The following COMMD1 variants were observed in gnomAD, a reference collection of about 807,000 sequenced individuals.
COMMD1 encodes COMM domain-containing protein 1.
In COMMD1, 10 loss-of-function variants were observed where a neutral mutation model predicts 17.2. The observed-to-expected ratio is 0.58, with a 90% CI of 0.36 to 0.99. COMMD1 has a LOEUF of 0.99. Ranked by LOEUF, COMMD1 falls within the 50% of genes least tolerant of loss-of-function variation. COMMD1 has a pLI of 0.01. For synonymous variants in COMMD1, 97 were observed against 91.6 expected (o/e 1.06, Z -0.34); for missense variants, 270 against 231.8 (o/e 1.17, Z -1.07).
At chr2:61,922,094 C>A (rs553141861) in intron 1 of COMMD1, among the ~76,000 whole-genome samples, 5 of 152,208 alleles carry the variant, frequency 3.3e-5, no homozygotes, top group Non-Finnish European at 7.4e-5. Flanking sequence ...CCTTTTAATA[C>A]AGAAAATGAG....
chr2:62,062,740 A>G (rs1446064373), intron 2 of COMMD1, among the ~76,000 whole-genome samples: 1 of 152,162 alleles, frequency 6.6e-6, no homozygotes, highest in Non-Finnish European at 1.5e-5. Context: ...ATAGCTTTGC[A>G]TAGTATTACT....
intron 2 of COMMD1, among the ~76,000 whole-genome samples, chr2:62,127,053 A>G (rs879305775): frequency 6.6e-6 from 1 of 152,212 alleles, no homozygotes; most frequent in African/African-American, 2.4e-5. Flanking sequence ...TCAGTGTGCA[A>G]AAGTCACAAG....
rs1469552074 is a variant in COMMD1 at position 62,012,197 on chromosome 2, C to T, written c.462+11215C>T. Among the ~76,000 whole-genome samples, 3 of 151,244 alleles carry T rather than the reference C, an allele frequency of 2.0e-5. No homozygotes were observed. In the Admixed American group the frequency reaches 2.0e-4, roughly 10 times the overall value. ...ACTTGAACCCAGGAGGCGGAGGTTG[C>T]AGTGAGCCAAGATCACGCCATTCCA... On this transcript the variant is annotated intron_variant, in intron 2 of 2. Coordinates refer to ENST00000311832, the MANE Select transcript of COMMD1 (RefSeq NM_152516.4).
chr2:62,008,874 G>A (rs549134711), intron 2 of COMMD1, among the ~76,000 whole-genome samples: 5 of 152,038 alleles, frequency 3.3e-5, no homozygotes, highest in East Asian at 3.9e-4. Flanking sequence ...TCTGCCTCCC[G>A]TGCTCAAGTG....
intron 2 of COMMD1, among the ~76,000 whole-genome samples, chr2:62,031,040 T>C (rs1669896535): frequency 6.6e-6 from 1 of 152,122 alleles, no homozygotes; most frequent in African/African-American, 2.4e-5. Context: ...AAATGACTAA[T>C]AAGAGAGAGA....
At chr2:61,930,627 G>T (rs2105207758) in intron 1 of COMMD1, among the ~76,000 whole-genome samples, 1 of 151,048 alleles carries the variant, frequency 6.6e-6, no homozygotes, top group Middle Eastern at 3.4e-3. Context: ...TTGTGTGTGT[G>T]TGTGTGTGTG....
chr2:61,985,544 C>T (rs1672084950), intron 1 of COMMD1, among the ~76,000 whole-genome samples: 1 of 152,124 alleles, frequency 6.6e-6, no homozygotes, highest in Non-Finnish European at 1.5e-5. Context: ...GTGGTCTTCT[C>T]TCCCTTCTTT....
At chr2:62,073,549 C>G (rs1045288044) in intron 2 of COMMD1, among the ~76,000 whole-genome samples, 3 of 152,208 alleles carry the variant, frequency 2.0e-5, no homozygotes, top group African/African-American at 7.2e-5. Context: ...CCTTTTTGGG[C>G]TGAACCAATG....
intron 2 of COMMD1, among the ~76,000 whole-genome samples, chr2:62,078,676 G>A (rs972443176): frequency 2.6e-5 from 4 of 150,966 alleles, no homozygotes; most frequent in Non-Finnish European, 4.4e-5. Flanking sequence ...AGACCAGCGT[G>A]GCCAGCATGG....
At chr2:61,943,784 G>A (rs987768819) in intron 1 of COMMD1, among the ~76,000 whole-genome samples, 1 of 152,124 alleles carries the variant, frequency 6.6e-6, no homozygotes, top group Non-Finnish European at 1.5e-5. Flanking sequence ...GCAGTGGGCC[G>A]AGATCCCGCC....
intron 2 of COMMD1, among the ~76,000 whole-genome samples, chr2:62,020,265 G>T (rs188129542): frequency 4.5e-3 from 693 of 152,350 alleles, no homozygotes; most frequent in Non-Finnish European, 7.4e-3. Context: ...GTACAAAGGT[G>T]TCGTTACGTC....
chr2:62,014,910 C>T (rs1433151882), intron 2 of COMMD1, among the ~76,000 whole-genome samples: 1 of 151,712 alleles, frequency 6.6e-6, no homozygotes, highest in Non-Finnish European at 1.5e-5. Flanking sequence ...TTAAGTACAG[C>T]CCAGTGGTAT....
chr2:61,918,844 A>G (rs528000921), intron 1 of COMMD1, among the ~76,000 whole-genome samples: 9 of 152,176 alleles, frequency 5.9e-5, no homozygotes, highest in African/African-American at 1.2e-4. Context: ...TTAATAAAAC[A>G]CCCACATTTT....
chr2:62,095,807 C>CATATATATATATAT lies in COMMD1; in HGVS notation c.463-40023_463-40010dup, dbSNP rs143205759. On this transcript the variant is annotated intron_variant, in intron 2 of 2. Coordinates refer to ENST00000311832, the MANE Select transcript of COMMD1 (RefSeq NM_152516.4). ...TTGTGTAGTCAAGTTTCACAGCATG[C>CATATATATATATAT]ATATATATATATATGCATATCAGGG... Among the ~76,000 whole-genome samples the CATATATATATATAT allele has an allele frequency of 7.7e-4, 52 of 67,948 alleles. 9 individuals carry two copies. Among genetic ancestry groups the CATATATATATATAT allele is most frequent in the African/African-American group, 2.4e-3 (27 of 11,486 alleles). The allele number at this position is 67,948 out of a possible 152,430, so 44.6% of individuals were successfully genotyped here.
chr2:62,046,780 T>G (rs1670395935), intron 2 of COMMD1, among the ~76,000 whole-genome samples: 1 of 152,246 alleles, frequency 6.6e-6, no homozygotes, highest in Non-Finnish European at 1.5e-5. Context: ...GCAGTCACAT[T>G]ATTCAGTTGT....
chr2:62,019,166 C>T (rs942642091), intron 2 of COMMD1, among the ~76,000 whole-genome samples: 4 of 133,280 alleles, frequency 3.0e-5, no homozygotes, highest in African/African-American at 1.1e-4. Flanking sequence ...CTCTTTCCTC[C>T]TTTCTCTTTT....
chr2:62,065,394 A>G (rs868248370), intron 2 of COMMD1, among the ~76,000 whole-genome samples: 12 of 144,768 alleles, frequency 8.3e-5, no homozygotes, highest in Non-Finnish European at 9.0e-5. Context: ...TACCCAGGCT[A>G]AAGTGCAGTG....
intron 1 of COMMD1, among the ~76,000 whole-genome samples, chr2:61,936,406 T>A (rs1380182432): frequency 6.6e-6 from 1 of 152,176 alleles, no homozygotes; most frequent in Non-Finnish European, 1.5e-5. Context: ...TATATGTGAA[T>A]GACAAAAGAC....
At chr2:62,019,101 T>TCCCC (rs1189020954) in intron 2 of COMMD1, among the ~76,000 whole-genome samples, 8 of 88,346 alleles carry the variant, frequency 9.1e-5, no homozygotes, top group Non-Finnish European at 1.8e-4. Flanking sequence ...TCTCTCTCTC[T>TCCCC]TCCCTCCCTC....
Sources: gnomAD v4.1 joint callset for allele counts (sites outside exome capture counted in the v4.1 genomes callset) on GRCh38, gnomAD v4.1.1 for gene constraint, MANE v1.5 for transcripts, NCBI Gene and HGNC (gene_info 2026-07-23, HGNC 2026-07-21) for gene names.